PKNOX2: variants seen among roughly 807,000 people sequenced by gnomAD.
PKNOX2 encodes PBX/knotted 1 homeobox 2, also known as homeobox protein PKNOX2.
Under a neutral mutation model 53.1 loss-of-function variants are expected in PKNOX2, and 14 were observed. That is an observed-to-expected ratio of 0.26 (90% CI 0.17 to 0.41). PKNOX2 has a LOEUF of 0.41. PKNOX2 is among the 10% of genes least tolerant of loss of function. The probability of loss-of-function intolerance (pLI) is 1.00; values close to 1 mark genes in which losing one functional copy is unlikely to be tolerated. For synonymous variants in PKNOX2, 257 were observed against 242.8 expected (o/e 1.06, Z -0.54); for missense variants, 496 against 602.8 (o/e 0.82, Z 1.85).
At chr11:125,186,142 G>A (rs1469711110) in intron 1 of PKNOX2, among the ~76,000 whole-genome samples, 1 of 151,622 alleles carries the variant, frequency 6.6e-6, no homozygotes, top group Non-Finnish European at 1.5e-5. Context: ...TTTTCCTGAT[G>A]TCAAGTGATG....
intron 2 of PKNOX2, among the ~76,000 whole-genome samples, chr11:125,321,232 T>G (rs529577760): frequency 1.6e-4 from 25 of 152,312 alleles, no homozygotes; most frequent in African/African-American, 5.5e-4. Context: ...ATCAGCAAAC[T>G]TTTTCTGTAA....
chr11:125,271,003 G>A (rs1012303038), intron 2 of PKNOX2, among the ~76,000 whole-genome samples: 1 of 152,118 alleles, frequency 6.6e-6, no homozygotes, highest in Non-Finnish European at 1.5e-5. Context: ...TAGCTGCCTT[G>A]GGGGGTGACA....
intron 3 of PKNOX2, among the ~76,000 whole-genome samples, chr11:125,338,016 G>A (rs1950510462): frequency 6.6e-6 from 1 of 152,190 alleles, no homozygotes; most frequent in African/African-American, 2.4e-5. Flanking sequence ...TTCATTTCCT[G>A]AGGAGTGAAG....
intron 10 of PKNOX2, among the ~76,000 whole-genome samples, chr11:125,425,891 C>G (rs1193075993): frequency 7.6e-6 from 1 of 131,228 alleles, no homozygotes; most frequent in African/African-American, 2.8e-5. Flanking sequence ...TACCCCACAG[C>G]CCCACAGCGT....
intron 3 of PKNOX2, among the ~76,000 whole-genome samples, chr11:125,333,535 G>GAC (rs1267319651): frequency 1.0e-3 from 134 of 131,978 alleles, no homozygotes; most frequent in East Asian, 3.7e-3. Context: ...TCAGTCCCAA[G>GAC]ACACACACAC....
chr11:125,164,846 T>C, intron 1 of PKNOX2, 70 bp downstream of exon 1: 1 of 178,798 alleles, frequency 5.6e-6, no homozygotes, highest in Non-Finnish European at 1.1e-5. Flanking sequence ...CGGCGGCTGC[T>C]GCTGCGGGCG....
rs138384307 is a variant in PKNOX2, at chr11:125,220,360, G to A, written c.-200-14685G>A. Among the ~76,000 whole-genome samples, 937 of 152,316 alleles carry A rather than the reference G, an allele frequency of 6.2e-3. 2 individuals carry two copies. The highest frequency in any genetic ancestry group is 0.011 in the Non-Finnish European group (743 of 68,034). On this transcript the variant is annotated intron_variant, in intron 1 of 12. Coordinates refer to ENST00000298282, the MANE Select transcript of PKNOX2 (RefSeq NM_001382323.2). ...AAAATATCTGCGGCTGCGTTCTGCC[G>A]AGAGCGGCTGATTTCCAACCCCTGA...
chr11:125,229,966 G>A (rs1458700342), intron 1 of PKNOX2, among the ~76,000 whole-genome samples: 3 of 152,202 alleles, frequency 2.0e-5, no homozygotes, highest in African/African-American at 7.2e-5. Context: ...TCCCATATGG[G>A]ATAAATATTA....
intron 2 of PKNOX2, among the ~76,000 whole-genome samples, chr11:125,286,569 G>A (rs542365104): frequency 2.0e-5 from 3 of 152,348 alleles, no homozygotes; most frequent in African/African-American, 7.2e-5. Context: ...GCCACCCACT[G>A]AGGTTGCAGG....
At chr11:125,200,745 C>T (rs1013096570) in intron 1 of PKNOX2, among the ~76,000 whole-genome samples, 2 of 152,220 alleles carry the variant, frequency 1.3e-5, no homozygotes, top group Non-Finnish European at 2.9e-5. Flanking sequence ...GCCCATGAGA[C>T]GTGCTCCAGG....
intron 1 of PKNOX2, among the ~76,000 whole-genome samples, chr11:125,204,381 T>G (rs924187413): frequency 2.0e-5 from 3 of 152,188 alleles, no homozygotes; most frequent in Non-Finnish European, 4.4e-5. Flanking sequence ...TGAGATTCTG[T>G]GTTGAACAGG....
At chr11:125,300,825 A>C (rs535644528) in intron 2 of PKNOX2, among the ~76,000 whole-genome samples, 4 of 152,324 alleles carry the variant, frequency 2.6e-5, no homozygotes, top group African/African-American at 9.6e-5. Flanking sequence ...TTCCAGACTC[A>C]GGAAAAGCTA....
chr11:125,354,372 G>T (rs12289208), intron 4 of PKNOX2, among the ~76,000 whole-genome samples: 17,920 of 152,102 alleles, frequency 0.12, 2,157 homozygotes, highest in African/African-American at 0.3. Context: ...CTCATTACTT[G>T]TGGACCACGT....
intron 2 of PKNOX2, among the ~76,000 whole-genome samples, chr11:125,265,873 C>A (rs1328742290): frequency 6.6e-6 from 1 of 152,162 alleles, no homozygotes. Flanking sequence ...ACCGTCTAAA[C>A]TCTCAGAGTA....
rs377618654 is a variant in PKNOX2 at position 125,195,481 on chromosome 11, G to A, written c.-201+30705G>A. Among the ~76,000 whole-genome samples the A allele has an allele frequency of 1.5e-4, 23 of 152,274 alleles. No individual in the cohort carries two copies. In the East Asian group the frequency reaches 1.9e-3, roughly 13 times the overall value. Reference sequence around the variant, plus strand: ...TTCAGCAGTCGGCAGTGAGTGGGGAGGCGGGGAGGTCTTGGGGACGGTCGA... The same window carrying A: ...TTCAGCAGTCGGCAGTGAGTGGGGAAGCGGGGAGGTCTTGGGGACGGTCGA... On this transcript the variant is annotated intron_variant, in intron 1 of 12. Coordinates refer to ENST00000298282, the MANE Select transcript of PKNOX2 (RefSeq NM_001382323.2).
chr11:125,259,582 CAT>C (rs1242640657), intron 2 of PKNOX2, among the ~76,000 whole-genome samples: 1 of 152,222 alleles, frequency 6.6e-6, no homozygotes, highest in Middle Eastern at 3.2e-3. Context: ...CTGCTCCCCA[CAT>C]GAGGCTGACC....
chr11:125,427,945 C>T (rs2135688538), intron 10 of PKNOX2, among the ~76,000 whole-genome samples: 1 of 152,294 alleles, frequency 6.6e-6, no homozygotes, highest in South Asian at 2.1e-4. Flanking sequence ...CGACTCTCTT[C>T]CCACTGCCAC....
At chr11:125,416,198 G>C (rs959958677) in intron 10 of PKNOX2, among the ~76,000 whole-genome samples, 9 of 150,446 alleles carry the variant, frequency 6.0e-5, no homozygotes, top group Non-Finnish European at 1.2e-4. Context: ...AGCTACTTGG[G>C]AGGCTGAGGC....
Position 125,370,146 on chromosome 11 carries a change from C to T in PKNOX2, c.227+2161C>T, listed in dbSNP as rs529685835. On this transcript the variant is annotated intron_variant, in intron 5 of 12. Transcript: ENST00000298282. This position sits in a 1 kb window ranked among gnomAD's most constrained non-coding sequence, Gnocchi z 4.1. ...AGTTTTTGGAAACCTAGGTTTGAGTCCCACCTCCACTGTGTCCTAGCCTCT... is the reference window on the plus strand; with the variant it reads ...AGTTTTTGGAAACCTAGGTTTGAGTTCCACCTCCACTGTGTCCTAGCCTCT... Among the ~76,000 whole-genome samples the T allele has an allele frequency of 3.3e-5, 5 of 152,266 alleles. No individual in the cohort carries two copies. The highest frequency in any genetic ancestry group is 1.2e-4 in the African/African-American group (5 of 41,556).
Sources: gnomAD v4.1 joint callset for allele counts (sites outside exome capture counted in the v4.1 genomes callset) on GRCh38, gnomAD v4.1.1 for gene constraint, Gnocchi (gnomAD v3.1) non-coding constraint, MANE v1.5 for transcripts, NCBI Gene and HGNC (gene_info 2026-07-23, HGNC 2026-07-21) for gene names.